Variants in PPP2R5C observed in about 807,000 individuals in gnomAD.
PPP2R5C encodes the protein protein phosphatase 2 regulatory subunit B'gamma.
Under a neutral mutation model 68.9 loss-of-function variants are expected in PPP2R5C, and 7 were observed. That is an observed-to-expected ratio of 0.10 (90% CI 0.06 to 0.19). The LOEUF (loss-of-function observed/expected upper bound fraction) is 0.19. Among genes scored for constraint, PPP2R5C ranks in the 10% least tolerant of loss-of-function variants. PPP2R5C has a pLI of 1.00. For synonymous variants in PPP2R5C, 210 were observed against 222.2 expected (o/e 0.95, Z 0.49); for missense variants, 348 against 641.3 (o/e 0.54, Z 4.94).
intron 1 of PPP2R5C, among the ~76,000 whole-genome samples, chr14:101,849,016 T>G (rs1186162531): frequency 6.6e-6 from 1 of 152,242 alleles, no homozygotes; most frequent in East Asian, 1.9e-4. Context: ...GAAATTATAC[T>G]GAATAAATCC....
At chr14:101,912,128 G>C (rs536293626) in intron 11 of PPP2R5C, among the ~76,000 whole-genome samples, 3 of 152,262 alleles carry the variant, frequency 2.0e-5, no homozygotes, top group Admixed American at 6.5e-5. Context: ...ATCTAACCAG[G>C]GGAAGGGGGA....
At chr14:101,854,059 G>A (rs78353420) in intron 1 of PPP2R5C, among the ~76,000 whole-genome samples, 5,194 of 152,224 alleles carry the variant, frequency 0.034, 189 homozygotes, top group African/African-American at 0.082. Context: ...AAAAATGAAC[G>A]TTTTTCATTG....
intron 3 of PPP2R5C, among the ~76,000 whole-genome samples, chr14:101,800,295 G>T (rs1461533124): frequency 1.3e-5 from 2 of 151,868 alleles, no homozygotes; most frequent in African/African-American, 2.4e-5. Context: ...GGCACGGTGG[G>T]TCATGCCTGT....
intron 3 of PPP2R5C, among the ~76,000 whole-genome samples, chr14:101,801,799 A>G (rs907247043): frequency 1.4e-4 from 22 of 152,254 alleles, no homozygotes; most frequent in African/African-American, 5.3e-4. Context: ...ATCCCTATTA[A>G]AACTTTTACA....
At chr14:101,875,037 G>T (rs1045351265) in intron 2 of PPP2R5C, among the ~76,000 whole-genome samples, 1 of 152,176 alleles carries the variant, frequency 6.6e-6, no homozygotes, top group Non-Finnish European at 1.5e-5. Flanking sequence ...ACCGCGCCTA[G>T]CCCGTAAGTT....
At chr14:101,837,932 G>T (rs1230287268) in intron 1 of PPP2R5C, among the ~76,000 whole-genome samples, 1 of 152,216 alleles carries the variant, frequency 6.6e-6, no homozygotes, top group Non-Finnish European at 1.5e-5. Context: ...GGGAGACTGA[G>T]ATTCAGGCTG....
intron 1 of PPP2R5C, among the ~76,000 whole-genome samples, chr14:101,821,861 G>C (rs976288669): frequency 6.6e-6 from 1 of 151,988 alleles, no homozygotes; most frequent in Non-Finnish European, 1.5e-5. Context: ...TGTGATGACC[G>C]GGCCAGAGTG....
At chr14:101,842,074 G>A (rs2041509768) in intron 1 of PPP2R5C, among the ~76,000 whole-genome samples, 1 of 152,152 alleles carries the variant, frequency 6.6e-6, no homozygotes, top group South Asian at 2.1e-4. Context: ...TTCAGTGGCA[G>A]CGCAGACTTA....
chr14:101,819,090 G>A (rs1336450785), intron 1 of PPP2R5C: 1 of 1,535,082 alleles, frequency 6.5e-7, no homozygotes, highest in African/African-American at 1.4e-5. Flanking sequence ...GAAGAGGTGG[G>A]TGGTGAGGGT....
intron 7 of PPP2R5C, 25 bp from the exon 10 acceptor site, chr14:101,894,482 T>C (rs775236871): frequency 4.3e-5 from 69 of 1,608,658 alleles, no homozygotes; most frequent in Non-Finnish European, 5.5e-5. Context: ...GAAATGTTAA[T>C]GCTCTTTCTC....
intron 5 of PPP2R5C, among the ~76,000 whole-genome samples, chr14:101,885,129 G>A (rs145322421): frequency 1.3e-5 from 2 of 152,214 alleles, no homozygotes; most frequent in African/African-American, 2.4e-5. Context: ...ACACAGCCTC[G>A]CTGCAGGGCC....
intron 1 of PPP2R5C, chr14:101,810,188 T>C (rs1248891426): frequency 1.5e-6 from 1 of 684,228 alleles, no homozygotes; most frequent in Non-Finnish European, 2.5e-6. Flanking sequence ...GGTGTGTCAC[T>C]GCAGTTTGGC....
At chr14:101,890,322 C>A (rs78249183) in intron 6 of PPP2R5C, 26 bp downstream of exon 8, 1 of 1,601,788 alleles carries the variant, frequency 6.2e-7, no homozygotes, top group Admixed American at 1.7e-5. Flanking sequence ...GGGTAGCAAA[C>A]GGCTGTAGAT....
At chr14:101,927,066 A>C (rs1027490401) in exon 14 of PPP2R5C, 1 of 151,930 alleles carries the variant, frequency 6.6e-6, no homozygotes, top group Admixed American at 6.6e-5. Context: ...TATTGTATAA[A>C]GCAGCGTCTT....
rs2046649588 is a variant in PPP2R5C at position 101,916,061 on chromosome 14, G to A, written c.1327-1770G>A. Among the ~76,000 whole-genome samples the A allele has an allele frequency of 6.6e-6, 1 of 152,172 alleles. No individual in the cohort carries two copies. The highest frequency in any genetic ancestry group is 1.5e-5 in the Non-Finnish European group (1 of 68,024). Reference sequence around the variant, plus strand: ...GCCGGTGCGATCTGCTGAGAGGTGAGGGTGGAGAGGGAGCAGAATTCCCCC... The same window carrying A: ...GCCGGTGCGATCTGCTGAGAGGTGAAGGTGGAGAGGGAGCAGAATTCCCCC... On this transcript the variant is annotated intron_variant, in intron 12 of 13. Coordinates refer to ENST00000334743, the Ensembl canonical transcript of PPP2R5C. The surrounding 1 kb of genome is among the most constrained non-coding windows in gnomAD (Gnocchi z 5.5).
chr14:101,915,464 A>G lies in PPP2R5C; in HGVS notation c.1327-2367A>G, dbSNP rs911419483. On this transcript the variant is annotated intron_variant, in intron 12 of 13. Coordinates refer to ENST00000334743, the Ensembl canonical transcript of PPP2R5C. This position sits in a 1 kb window ranked among gnomAD's most constrained non-coding sequence, Gnocchi z 4.2. ...GTTTATTTTGCTGTGAACATCTGGTAGCATTCTTGTGTAGGGACACTCTCC... is the reference window on the plus strand; with the variant it reads ...GTTTATTTTGCTGTGAACATCTGGTGGCATTCTTGTGTAGGGACACTCTCC... 3.9e-5 allele frequency among the ~76,000 whole-genome samples: 6 copies of G among 152,202 alleles called. No homozygotes were observed. Among genetic ancestry groups the G allele is most frequent in the Non-Finnish European group, 8.8e-5 (6 of 68,024 alleles).
intron 1 of PPP2R5C, chr14:101,824,331 A>G: frequency 2.2e-6 from 1 of 444,700 alleles, no homozygotes; most frequent in Non-Finnish European, 3.6e-6. Context: ...TTTAGTGTAG[A>G]CATTTGTCTA....
At chr14:101,826,416 T>C (rs944315403) in intron 1 of PPP2R5C, among the ~76,000 whole-genome samples, 2 of 152,238 alleles carry the variant, frequency 1.3e-5, no homozygotes, top group Non-Finnish European at 2.9e-5. Flanking sequence ...CCTCATTGAA[T>C]GGATTTGGCA....
intron 1 of PPP2R5C, among the ~76,000 whole-genome samples, chr14:101,850,075 C>T (rs1389496835): frequency 1.3e-5 from 2 of 152,126 alleles, no homozygotes; most frequent in Non-Finnish European, 2.9e-5. Context: ...GTTTCTTACT[C>T]GGGTAACTGT....
Sources: gnomAD v4.1 joint callset for allele counts (sites outside exome capture counted in the v4.1 genomes callset) on GRCh38, gnomAD v4.1.1 for gene constraint, Gnocchi (gnomAD v3.1) non-coding constraint, MANE v1.5 for transcripts, NCBI Gene and HGNC (gene_info 2026-07-23, HGNC 2026-07-21) for gene names.